INSR: variants seen among roughly 807,000 people sequenced by gnomAD.
INSR encodes the protein insulin receptor.
A neutral mutation model predicts 142.6 loss-of-function variants in INSR; 67 were observed. The ratio of observed to expected loss-of-function variants is 0.47; its 90% CI spans 0.39 to 0.58. INSR has a LOEUF of 0.58. INSR is among the 20% of genes least tolerant of loss of function. INSR has a pLI of 0.00. For missense variants in INSR, 1,248 were observed against 1,833.2 expected (o/e 0.68, Z 5.83); for synonymous variants, 756 against 743.1 (o/e 1.02, Z -0.28).
chr19:7,209,416 T>C (rs1975210724), intron 2 of INSR, among the ~76,000 whole-genome samples: 2 of 152,166 alleles, frequency 1.3e-5, no homozygotes. Context: ...CTCAACTCCA[T>C]AAAAGTCATG....
chr19:7,162,914 G>T, intron 9 of INSR, 118 bp downstream of exon 9: 1 of 840,522 alleles, frequency 1.2e-6, no homozygotes, highest in South Asian at 1.4e-5. Context: ...GTGTGTGTGT[G>T]TGTGCCTTCC....
chr19:7,158,760 T>C (rs1348604002), intron 9 of INSR, among the ~76,000 whole-genome samples: 2 of 152,170 alleles, frequency 1.3e-5, no homozygotes, highest in Non-Finnish European at 2.9e-5. Context: ...AAATTGTATG[T>C]GATGTATATT....
At chr19:7,250,151 C>G (rs1462380187) in intron 2 of INSR, among the ~76,000 whole-genome samples, 2 of 148,900 alleles carry the variant, frequency 1.3e-5, no homozygotes, top group Non-Finnish European at 3.0e-5. Context: ...AGAGCAAGAC[C>G]CTGTCGAAAG....
At chr19:7,284,705 T>C (rs1182289206) in intron 1 of INSR, among the ~76,000 whole-genome samples, 2 of 152,104 alleles carry the variant, frequency 1.3e-5, no homozygotes, top group East Asian at 3.9e-4. Context: ...ATTTTTTGTA[T>C]TTTTAGTAGA....
intron 6 of INSR, among the ~76,000 whole-genome samples, chr19:7,169,407 TA>T (rs928986737): frequency 8.0e-5 from 11 of 137,012 alleles, no homozygotes; most frequent in African/African-American, 3.2e-4. Flanking sequence ...CTGTCTCTAC[TA>T]AAAATACAAA....
At chr19:7,133,899 C>T (rs551222934) in intron 13 of INSR, among the ~76,000 whole-genome samples, 1 of 149,452 alleles carries the variant, frequency 6.7e-6, no homozygotes, top group Admixed American at 6.7e-5. Context: ...GCAAAAGTGA[C>T]TCCTAGCTCA....
At chr19:7,203,035 T>C (rs1568484476) in intron 2 of INSR, among the ~76,000 whole-genome samples, 1 of 150,902 alleles carries the variant, frequency 6.6e-6, no homozygotes, top group African/African-American at 2.5e-5. Context: ...AGATGATTGA[T>C]TTTTCTAACT....
chr19:7,184,770 A>C, intron 2 of INSR, 133 bp from the exon 3 acceptor site: 1 of 597,672 alleles, frequency 1.7e-6, no homozygotes, highest in Non-Finnish European at 2.5e-6. Flanking sequence ...AAGCCAACCA[A>C]ACACTAACAG....
chr19:7,181,850 G>C (rs1415344470), intron 3 of INSR, among the ~76,000 whole-genome samples: 1 of 151,584 alleles, frequency 6.6e-6, no homozygotes, highest in African/African-American at 2.4e-5. Context: ...CAAAGTGCTG[G>C]GATTACAGGC....
chr19:7,141,818 T>G lies in INSR; in HGVS notation c.2543-2A>C, dbSNP rs1973076130. ...GGCCAACAATGTCATCAGCCTTGGCTGTAAGGAGAGGAAGTGAGAGGCAGG... is the reference window on the plus strand; with the variant it reads ...GGCCAACAATGTCATCAGCCTTGGCGGTAAGGAGAGGAAGTGAGAGGCAGG... On this transcript the variant is annotated splice_acceptor_variant, in intron 12 of 21. Coordinates refer to ENST00000302850, the MANE Select transcript of INSR (RefSeq NM_000208.4). LOFTEE classifies it high-confidence loss of function. The G allele has an allele frequency of 6.2e-7, 1 of 1,613,670 alleles. No homozygotes were observed. The highest frequency in any genetic ancestry group is 1.7e-5 in the Admixed American group (1 of 60,002).
intron 1 of INSR, among the ~76,000 whole-genome samples, chr19:7,291,999 T>G (rs1458043544): frequency 6.6e-6 from 1 of 151,696 alleles, no homozygotes. Context: ...TTTACCGTGT[T>G]AGCCAGGATG....
chr19:7,221,377 A>AG (rs1975606257), intron 2 of INSR, among the ~76,000 whole-genome samples: 3 of 45,960 alleles, frequency 6.5e-5, no homozygotes, highest in Non-Finnish European at 1.3e-4. Context: ...CTGTCAAAAA[A>AG]AAGGAGGAGG....
chr19:7,268,398 C>A, intron 1 of INSR: 1 of 982,896 alleles, frequency 1.0e-6, no homozygotes, highest in Non-Finnish European at 1.2e-6. Flanking sequence ...CAATCAAGAC[C>A]TAATTACCTT....
intron 2 of INSR, among the ~76,000 whole-genome samples, chr19:7,202,945 C>T (rs930546448): frequency 9.3e-5 from 14 of 150,678 alleles, no homozygotes; most frequent in Admixed American, 5.3e-4. Context: ...GATTAGAACC[C>T]GTACAATGTC....
At chr19:7,276,876 G>A (rs780451241) in intron 1 of INSR, among the ~76,000 whole-genome samples, 36 of 152,094 alleles carry the variant, frequency 2.4e-4, no homozygotes, top group East Asian at 3.9e-4. Flanking sequence ...GATTACAGGC[G>A]CCCGCCACCA....
At chr19:7,190,709 T>G (rs1974559238) in intron 2 of INSR, among the ~76,000 whole-genome samples, 1 of 152,162 alleles carries the variant, frequency 6.6e-6, no homozygotes, top group Non-Finnish European at 1.5e-5. Context: ...ATAAGCTCAT[T>G]CCAGGTGTTT....
Position 7,120,727 on chromosome 19 carries a change from GATGTCTC to G in INSR, c.3545_3551del (p.Arg1182ThrfsTer25). On this transcript the variant is annotated frameshift_variant, in exon 20 of 22. Coordinates refer to ENST00000302850, the MANE Select transcript of INSR (RefSeq NM_000208.4). LOFTEE classifies it high-confidence loss of function. ...CTTTCCGGTAGTAATCCGTTTCATA[GATGTCTC>G]TGGTCATTCCAAAGTCTGACAACAC... is the stretch of plus-strand genomic sequence containing the variant. The G allele has an allele frequency of 6.2e-7, 1 of 1,614,106 alleles. No homozygotes were observed. The highest frequency in any genetic ancestry group is 8.5e-7 in the Non-Finnish European group (1 of 1,179,974).
At chr19:7,187,993 A>T (rs1974475579) in intron 2 of INSR, among the ~76,000 whole-genome samples, 1 of 151,910 alleles carries the variant, frequency 6.6e-6, no homozygotes, top group South Asian at 2.1e-4. Context: ...AGTCTTGCTA[A>T]ATTCTTCTCC....
At chr19:7,237,319 C>G (rs1044237478) in intron 2 of INSR, among the ~76,000 whole-genome samples, 2 of 151,710 alleles carry the variant, frequency 1.3e-5, no homozygotes, top group African/African-American at 4.8e-5. Flanking sequence ...GAGTTCCAGA[C>G]CAGCCTGGCC....
Sources: allele counts gnomAD v4.1 joint callset (sites outside exome capture counted in the v4.1 genomes callset), GRCh38; gene constraint gnomAD v4.1.1; transcripts MANE v1.5; gene names NCBI Gene and HGNC (gene_info 2026-07-23, HGNC 2026-07-21).